Variants in TAMM41 observed in about 807,000 individuals in gnomAD.
The protein encoded by TAMM41 is TAM41 mitochondrial translocator assembly and maintenance homolog.
A neutral mutation model predicts 44.1 loss-of-function variants in TAMM41; 36 were observed. That is an observed-to-expected ratio of 0.82 (90% CI 0.63 to 1.08). The LOEUF is 1.08. Ranked by LOEUF, TAMM41 falls within the 50% of genes least tolerant of loss-of-function variation. The pLI, the probability that TAMM41 is intolerant of heterozygous loss-of-function variation, is 0.00. For synonymous variants in TAMM41, 164 were observed against 153.1 expected (o/e 1.07, Z -0.53); for missense variants, 417 against 404.3 (o/e 1.03, Z -0.27).
the TAMM41 span, among the ~76,000 whole-genome samples, chr3:11,772,377 A>G: frequency 1.1e-4 from 17 of 151,720 alleles, no homozygotes; most frequent in East Asian, 9.7e-4. Flanking sequence ...CACCGTGCCC[A>G]GCCCAGTGTC....
chr3:11,812,721 G>A (rs573471641), intron 5 of TAMM41, among the ~76,000 whole-genome samples: 11 of 152,240 alleles, frequency 7.2e-5, no homozygotes, highest in Middle Eastern at 3.4e-3. Context: ...AGAAGCAATC[G>A]GCCCTGGTCA....
At chr3:11,815,572 A>G (rs2078245940) in intron 5 of TAMM41, among the ~76,000 whole-genome samples, 1 of 152,230 alleles carries the variant, frequency 6.6e-6, no homozygotes, top group East Asian at 1.9e-4. Flanking sequence ...GGCTGTCACA[A>G]TAAAATAAAC....
intron 7 of TAMM41, among the ~76,000 whole-genome samples, chr3:11,803,074 C>G (rs1464121044): frequency 7.2e-5 from 11 of 152,172 alleles, no homozygotes; most frequent in Admixed American, 7.2e-4. Flanking sequence ...GAATTCAAGG[C>G]CAGCCTGGCC....
intron 7 of TAMM41, 46 bp from the exon 8 acceptor site, chr3:11,790,627 G>T: frequency 6.6e-7 from 1 of 1,514,542 alleles, no homozygotes; most frequent in Non-Finnish European, 9.2e-7. Context: ...GGCTTGTTGA[G>T]TGGATGCTCA....
chr3:11,792,712 A>C (rs946014680), intron 7 of TAMM41, among the ~76,000 whole-genome samples: 3 of 152,234 alleles, frequency 2.0e-5, no homozygotes, highest in Non-Finnish European at 4.4e-5. Flanking sequence ...AACATATAGA[A>C]AACAAAATGG....
At chr3:11,755,515 T>G in the TAMM41 span, among the ~76,000 whole-genome samples, 1 of 152,120 alleles carries the variant, frequency 6.6e-6, no homozygotes, top group African/African-American at 2.4e-5. Context: ...CACATTCCTG[T>G]TAAGGAGCTG....
At chr3:11,805,607 C>T (rs6442288) in intron 7 of TAMM41, among the ~76,000 whole-genome samples, 22,896 of 152,024 alleles carry the variant, frequency 0.15, 3,868 homozygotes, top group East Asian at 0.49. Flanking sequence ...GAGGGCAACA[C>T]GGTCCTTGAG....
chr3:11,723,154 A>C, the TAMM41 span, among the ~76,000 whole-genome samples: 1 of 123,982 alleles, frequency 8.1e-6, no homozygotes, highest in Non-Finnish European at 1.7e-5. Context: ...TAAAATAAAA[A>C]TTGAGGGGAT....
intron 4 of TAMM41, among the ~76,000 whole-genome samples, chr3:11,828,361 T>C (rs867870530): frequency 6.6e-6 from 1 of 152,202 alleles, no homozygotes; most frequent in Non-Finnish European, 1.5e-5. Context: ...ATTTCCTTAG[T>C]AATATTCAGA....
the TAMM41 span, among the ~76,000 whole-genome samples, chr3:11,778,654 C>T: frequency 4.0e-5 from 6 of 151,812 alleles, no homozygotes; most frequent in South Asian, 2.1e-4. Context: ...GAAAAAACAT[C>T]GGAAAATGAC....
chr3:11,798,836 TA>T (rs1021641338), intron 7 of TAMM41, among the ~76,000 whole-genome samples: 75 of 152,238 alleles, frequency 4.9e-4, no homozygotes, highest in African/African-American at 1.7e-3. Context: ...AGGCTTGTTT[TA>T]AAGAGAGGTC....
the TAMM41 span, among the ~76,000 whole-genome samples, chr3:11,769,775 G>A: frequency 6.6e-6 from 1 of 152,212 alleles, no homozygotes; most frequent in Non-Finnish European, 1.5e-5. Context: ...AAGGCAGAGG[G>A]TATCTTTCAG....
rs557231400 is a variant in TAMM41 at position 11,806,939 on chromosome 3, C to CAAAAAATAAAAAAAAAAAAAA, written c.937+893_937+894insTTTTTTTTTTTTTTATTTTTT. 3.5e-4 allele frequency among the ~76,000 whole-genome samples: 54 copies of CAAAAAATAAAAAAAAAAAAAA among 152,254 alleles called. No individual in the cohort carries two copies. In the East Asian group the frequency reaches 9.9e-3, roughly 28 times the overall value. On this transcript the variant is annotated intron_variant, in intron 7 of 7. Coordinates refer to ENST00000455809, the MANE Select transcript of TAMM41 (RefSeq NM_001284401.2). ...TAAAAGATAAATGCAGCAATGATCT[C>CAAAAAATAAAAAAAAAAAAAA]AAAATTTTAAAGGAAAGTGATTTCT...
intron 5 of TAMM41, among the ~76,000 whole-genome samples, chr3:11,814,021 TA>T (rs2078192116): frequency 3.2e-4 from 37 of 114,234 alleles, no homozygotes; most frequent in African/African-American, 1.0e-3. Context: ...CACACACACA[TA>T]AAAAAATCAG....
chr3:11,846,622 C>T lies in TAMM41; in HGVS notation c.15G>A (p.Thr5=), dbSNP rs756475452. 5 of 1,614,182 alleles carry T rather than the reference C, an allele frequency of 3.1e-6. No individual in the cohort carries two copies. Among genetic ancestry groups the T allele is most frequent in the Non-Finnish European group, 4.2e-6 (5 of 1,180,010 alleles). The part of the protein sequence containing the change: MALQ[T]LQSSWVTFRK... ...GGAAGGTCACCCACGAGCTCTGCAG[C>T]GTCTGCAGCGCCATGGGGTCGAGGC... Residue 5 remains threonine, a synonymous_variant, in exon 1 of 8, where the codon ACG becomes ACA. Coordinates refer to ENST00000455809, the MANE Select transcript of TAMM41 (RefSeq NM_001284401.2).
chr3:11,731,016 G>A, the TAMM41 span, among the ~76,000 whole-genome samples: 2 of 152,040 alleles, frequency 1.3e-5, no homozygotes, highest in African/African-American at 2.4e-5. Context: ...CTATATGATG[G>A]GGATGACTCC....
At chr3:11,804,998 T>TTTG (rs2077861132) in intron 7 of TAMM41, among the ~76,000 whole-genome samples, 11 of 106,456 alleles carry the variant, frequency 1.0e-4, no homozygotes, top group African/African-American at 5.8e-4. Flanking sequence ...GCCCAGCCCT[T>TTTG]TTTTTTTTTT....
At chr3:11,834,679 G>T (rs2079105709) in intron 3 of TAMM41, among the ~76,000 whole-genome samples, 1 of 152,048 alleles carries the variant, frequency 6.6e-6, no homozygotes, top group Admixed American at 6.6e-5. Context: ...ATCTTTTTAA[G>T]CAAGATACTC....
rs535776459 is a variant in TAMM41 at position 11,846,494 on chromosome 3, G to A, written c.135+8C>T. On this transcript the variant is annotated splice_region_variant and intron_variant, in intron 1 of 7. Coordinates refer to ENST00000455809, the MANE Select transcript of TAMM41 (RefSeq NM_001284401.2). Reference sequence around the variant, plus strand: ...ACAGTTCCCCGTCGTGGGGCTGCCCGGGCTCACCTTCTGGTCTGAACTCGG... The same window carrying A: ...ACAGTTCCCCGTCGTGGGGCTGCCCAGGCTCACCTTCTGGTCTGAACTCGG... 6.8e-6 allele frequency: 11 copies of A among 1,614,100 alleles called. No homozygotes were observed. The highest frequency in any genetic ancestry group is 2.2e-5 in the East Asian group (1 of 44,882).
Sources: gnomAD v4.1 joint callset for allele counts (sites outside exome capture counted in the v4.1 genomes callset) on GRCh38, gnomAD v4.1.1 for gene constraint, MANE v1.5 for transcripts, NCBI Gene and HGNC (gene_info 2026-07-23, HGNC 2026-07-21) for gene names.